Variants in UBN2 observed in about 807,000 individuals in gnomAD.
UBN2 encodes the protein ubinuclein 2.
A neutral mutation model predicts 120.2 loss-of-function variants in UBN2; 35 were observed. That is an observed-to-expected ratio of 0.29 (90% confidence interval 0.22 to 0.39). The LOEUF (loss-of-function observed/expected upper bound fraction) is 0.39, where lower values mean the gene tolerates loss of function less well. UBN2 is among the 10% of genes least tolerant of loss of function. The pLI, the probability that UBN2 is intolerant of heterozygous loss-of-function variation, is 1.00. For missense variants in UBN2, 1,693 were observed against 1,663.2 expected, an observed-to-expected ratio of 1.02 and a Z score of -0.31; for synonymous variants, 661 against 648.7, an observed-to-expected ratio of 1.02 and a Z score of -0.29.
chr7:139,280,253 A>G (rs569690296), intron 13 of UBN2, among the ~76,000 whole-genome samples: 278 of 152,352 alleles, frequency 1.8e-3, no homozygotes, highest in African/African-American at 6.4e-3. Flanking sequence ...TTAGATCCCT[A>G]AGACGGACAA....
At position 139,261,719 on chromosome 7, in the gene UBN2, A is replaced by C. The variant is rs1354265208; in HGVS notation, c.1373A>C (p.Lys458Thr). 6.2e-7 allele frequency: 1 copy of C among 1,611,882 alleles called. No homozygotes were observed. The highest frequency in any genetic ancestry group is 8.5e-7 in the Non-Finnish European group (1 of 1,178,268). ...LPEGLPVLLE[K>T]RIEDLRVAAK... ...GAGGGTCTACCTGTACTTCTTGAAA[A>C]ACGTATCGAAGACCTTCGTGTAGTA... The change falls in exon 6 of 18, where the codon AAA (lysine) becomes ACA (threonine). Residue 458 changes from lysine to threonine, a missense_variant. Coordinates refer to ENST00000473989, the MANE Select transcript of UBN2 (RefSeq NM_173569.4).
intron 1 of UBN2, among the ~76,000 whole-genome samples, chr7:139,234,383 A>T (rs1796108987): frequency 6.6e-6 from 1 of 152,178 alleles, no homozygotes; most frequent in African/African-American, 2.4e-5. Flanking sequence ...TACTAAATGA[A>T]CAGTAAAACC....
intron 2 of UBN2, among the ~76,000 whole-genome samples, chr7:139,248,997 ATATT>A (rs1338796567): frequency 1.9e-4 from 29 of 149,552 alleles, no homozygotes; most frequent in African/African-American, 5.3e-4. Context: ...GTATATGTAT[ATATT>A]TATTACATCT....
At chr7:139,246,456 G>C (rs912969575) in intron 2 of UBN2, among the ~76,000 whole-genome samples, 1 of 152,196 alleles carries the variant, frequency 6.6e-6, no homozygotes. Flanking sequence ...TTGACAGTTA[G>C]AATGGAAAGG....
the UBN2 span, among the ~76,000 whole-genome samples, chr7:139,324,159 C>T: frequency 6.6e-6 from 1 of 152,174 alleles, no homozygotes; most frequent in Non-Finnish European, 1.5e-5. Flanking sequence ...CTTTTTCTTG[C>T]TGAACCCTGA....
rs1453578370 is a variant in UBN2 at position 139,304,396 on chromosome 7, C to T, written c.*6560C>T. 1 of 152,146 alleles carries T rather than the reference C, an allele frequency of 6.6e-6. No homozygotes were observed. The highest frequency in any genetic ancestry group is 2.4e-5 in the African/African-American group (1 of 41,430). 9.4% of individuals were successfully genotyped at this position (152,146 alleles called of 1,614,324 possible). A position where few individuals can be genotyped will look rare whatever the true frequency, so the allele number is the denominator to read the frequency against. ...GGAGACGAAGATCATTTTATCCCAC[C>T]TTCCATCCCTGTATATTAAGTAGTA... is the stretch of plus-strand genomic sequence containing the variant. On this transcript the variant is annotated 3_prime_UTR_variant, in exon 18 of 18. Transcript: ENST00000473989.
chr7:139,281,618 C>T (rs1307577492), intron 13 of UBN2, among the ~76,000 whole-genome samples: 2 of 152,146 alleles, frequency 1.3e-5, no homozygotes, highest in African/African-American at 4.8e-5. Context: ...GAACAATTTT[C>T]TCTGCCAGTA....
chr7:139,233,459 A>G, intron 1 of UBN2, among the ~76,000 whole-genome samples: 1 of 152,196 alleles, frequency 6.6e-6, no homozygotes, highest in East Asian at 1.9e-4. Flanking sequence ...ACATAGCAAT[A>G]ACGACATTTA....
At position 139,231,782 on chromosome 7, in the gene UBN2, C is replaced by G; in HGVS notation, c.298C>G (p.Pro100Ala). The stretch of plus-strand genomic sequence containing the variant: ...GCGGCCCGAGCCGCCGCCGCCGTTC[C>G]CGCCGCTGCCCTTGCAGCCGCCCCC... ...PPRPEPPPPFPPLPLQPPPPR... is the reference protein window; with the variant it reads ...PPRPEPPPPFAPLPLQPPPPR... The change falls in exon 1 of 18, where the codon CCG becomes GCG. Residue 100 changes from proline to alanine, a missense_variant. Physicochemically the swap from Pro to Ala is conservative, Grantham distance 27 (BLOSUM62 -1). Coordinates refer to ENST00000473989, the MANE Select transcript of UBN2 (RefSeq NM_173569.4). 7.7e-7 allele frequency: 1 copy of G among 1,295,658 alleles called. No individual in the cohort carries two copies. Among genetic ancestry groups the G allele is most frequent in the Non-Finnish European group, 9.7e-7 (1 of 1,027,472 alleles). 80.3% of individuals were successfully genotyped at this position (1,295,658 alleles called of 1,614,324 possible).
intron 15 of UBN2, among the ~76,000 whole-genome samples, chr7:139,288,446 GC>G (rs2131051467): frequency 6.6e-6 from 1 of 152,304 alleles, no homozygotes; most frequent in African/African-American, 2.4e-5. Flanking sequence ...ATGGAAAAGA[GC>G]CTGAAGTGAA....
intron 3 of UBN2, among the ~76,000 whole-genome samples, chr7:139,257,695 C>T (rs1287802649): frequency 4.6e-5 from 7 of 152,006 alleles, no homozygotes; most frequent in African/African-American, 7.2e-5. Context: ...AGATTATAGG[C>T]GTGAGCCACC....
intron 16 of UBN2, 141 bp downstream of exon 16, chr7:139,293,604 A>C: frequency 1.4e-6 from 1 of 735,756 alleles, no homozygotes; most frequent in Non-Finnish European, 2.2e-6. Flanking sequence ...AATGCAGTTT[A>C]TATATAGTAA....
Position 139,273,300 on chromosome 7 carries a change from G to A in UBN2, c.1719G>A (p.Leu573=), listed in dbSNP as rs959117210. The A allele has an allele frequency of 3.1e-5, 49 of 1,598,706 alleles. No individual in the cohort carries two copies. Among genetic ancestry groups the A allele is most frequent in the Non-Finnish European group, 3.9e-5 (46 of 1,172,738 alleles). ...GTAAAGTGTTTTTCATTTTTAGATT[G>A]CAGACAGATGAAGAACGAGAAAAAA... ...QARSQAKCAK[L]QTDEEREKNG... The change falls in exon 10 of 18, where the codon TTG becomes TTA. Residue 573 remains leucine, a synonymous_variant. Transcript: ENST00000473989.
chr7:139,283,444 T>G lies in UBN2; in HGVS notation c.2539T>G (p.Leu847Val), dbSNP rs1327919287. 4.3e-6 allele frequency: 7 copies of G among 1,614,118 alleles called. No homozygotes were observed. The highest frequency in any genetic ancestry group is 5.9e-6 in the Non-Finnish European group (7 of 1,180,022). ...GCCAGTACCAAAGAAACCCCAGGAT[T>G]TAGCTCATACTGGCATCTCTTCAGG... ...TGPVPKKPQD[L>V]AHTGISSGLI... Residue 847 changes from leucine (L) to valine (V), a missense_variant, in exon 15 of 18, where the codon TTA becomes GTA. Around this residue, in one of 5 missense-constraint regions of UBN2, gnomAD observed 837 missense variants for 817.6 expected, o/e 1.02. Transcript: ENST00000473989.
chr7:139,235,427 A>G (rs946338272), intron 1 of UBN2, among the ~76,000 whole-genome samples: 1 of 151,928 alleles, frequency 6.6e-6, no homozygotes, highest in African/African-American at 2.4e-5. Context: ...ATGAAGTCTC[A>G]CTCTGTCTCA....
At chr7:139,255,005 T>C (rs1796720321) in intron 3 of UBN2, among the ~76,000 whole-genome samples, 1 of 152,182 alleles carries the variant, frequency 6.6e-6, no homozygotes, top group Non-Finnish European at 1.5e-5. Context: ...TTGTACACTT[T>C]GTGGGTTTGG....
intron 3 of UBN2, among the ~76,000 whole-genome samples, chr7:139,254,045 G>A (rs1486321860): frequency 1.3e-5 from 2 of 152,174 alleles, no homozygotes; most frequent in African/African-American, 4.8e-5. Context: ...TGTAATCCCA[G>A]CACTTTGGGA....
chr7:139,309,299 T>G (rs990231020), downstream of UBN2, among the ~76,000 whole-genome samples: 6 of 152,212 alleles, frequency 3.9e-5, no homozygotes, highest in African/African-American at 1.4e-4. Flanking sequence ...TTCAGTGTGT[T>G]GTCATGAAGA....
In UBN2 at chr7:139,284,549, C is replaced by A. The variant is rs1292433690; in HGVS notation, c.3644C>A (p.Ser1215Tyr). The A allele has an allele frequency of 6.2e-7, 1 of 1,612,132 alleles. No individual in the cohort carries two copies. The highest frequency in any genetic ancestry group is 1.3e-5 in the African/African-American group (1 of 74,920). ...CATAGACCATCCACTGCCTCAGGGT[C>A]TTCAGTGGTAACAGCCAGTGTGCAG... ...TPHRPSTASG[S>Y]SVVTASVQST... The change falls in exon 15 of 18, where the codon TCT becomes TAT. Residue 1215 changes from serine (S) to tyrosine (Y), a missense_variant. By Grantham distance (144) the Ser-to-Tyr change is moderately radical (BLOSUM62 -2). Transcript: ENST00000473989.
Sources: allele counts gnomAD v4.1 joint callset (sites outside exome capture counted in the v4.1 genomes callset), GRCh38; gene constraint gnomAD v4.1.1; regional missense constraint gnomAD v4.1.1; transcripts MANE v1.5; gene names NCBI Gene and HGNC (gene_info 2026-07-23, HGNC 2026-07-21).